BMAL2: variants seen among roughly 807,000 people sequenced by gnomAD.
BMAL2 encodes the protein basic helix-loop-helix ARNT-like protein 2.
chr12:27,401,407 GAC>G, the BMAL2 span: 1 of 1,565,324 alleles, frequency 6.4e-7, no homozygotes, highest in Admixed American at 1.7e-5. Context: ...AATTTAAAAT[GAC>G]AGTTTTAACT....
chr12:27,347,972 T>G, the BMAL2 span, among the ~76,000 whole-genome samples: 13 of 152,322 alleles, frequency 8.5e-5, no homozygotes, highest in African/African-American at 2.6e-4. Context: ...CTGACAGACA[T>G]GTCATAATCA....
At chr12:27,385,705 T>C in the BMAL2 span, 1 of 576,530 alleles carries the variant, frequency 1.7e-6, no homozygotes, top group Non-Finnish European at 3.0e-6. Flanking sequence ...AAGTTTAAAA[T>C]AGAGAAGTAG....
At chr12:27,378,541 G>T in the BMAL2 span, among the ~76,000 whole-genome samples, 1 of 152,204 alleles carries the variant, frequency 6.6e-6, no homozygotes, top group Non-Finnish European at 1.5e-5. Context: ...TTCAGGCGTT[G>T]CTGCTGTGGA....
the BMAL2 span, among the ~76,000 whole-genome samples, chr12:27,340,479 C>T: frequency 1.7e-3 from 253 of 152,188 alleles, 2 homozygotes; most frequent in African/African-American, 6.0e-3. Flanking sequence ...TGTTTTTGTA[C>T]CCCTCCCATG....
the BMAL2 span, among the ~76,000 whole-genome samples, chr12:27,333,541 G>A: frequency 6.6e-6 from 1 of 152,272 alleles, no homozygotes; most frequent in East Asian, 1.9e-4. Flanking sequence ...TAAACCAGTT[G>A]TCAGCAGCCT....
the BMAL2 span, among the ~76,000 whole-genome samples, chr12:27,355,316 A>G: frequency 6.6e-6 from 1 of 152,174 alleles, no homozygotes; most frequent in Non-Finnish European, 1.5e-5. Flanking sequence ...CGCTGCAAAC[A>G]GTGCTCCATA....
the BMAL2 span, among the ~76,000 whole-genome samples, chr12:27,377,000 CAAAAAAAAAAAAA>C: frequency 1.2e-3 from 109 of 91,740 alleles, no homozygotes; most frequent in Non-Finnish European, 1.7e-3. Context: ...AACTCCGTCT[CAAAAAAAAAAAAA>C]AAAAAAAAAA....
the BMAL2 span, among the ~76,000 whole-genome samples, chr12:27,398,260 G>T: frequency 6.6e-6 from 1 of 152,204 alleles, no homozygotes; most frequent in South Asian, 2.1e-4. Flanking sequence ...AAAGGATTTT[G>T]AAAGGATGTC....
At chr12:27,415,731 T>A in the BMAL2 span, 1 of 648,250 alleles carries the variant, frequency 1.5e-6, no homozygotes, top group East Asian at 2.9e-5. Flanking sequence ...TAAGTCAGTC[T>A]AATTGTGAAA....
the BMAL2 span, among the ~76,000 whole-genome samples, chr12:27,348,471 A>T: frequency 2.0e-5 from 3 of 151,536 alleles, no homozygotes; most frequent in African/African-American, 7.3e-5. Context: ...GGTAACATTT[A>T]TTTTTTTTTA....
the BMAL2 span, among the ~76,000 whole-genome samples, chr12:27,340,015 A>AG: frequency 4.0e-4 from 61 of 152,210 alleles, no homozygotes; most frequent in East Asian, 3.3e-3. Context: ...CAGATGCATA[A>AG]TTTGCAAAAA....
chr12:27,394,885 G>GTTCC, the BMAL2 span, among the ~76,000 whole-genome samples: 1 of 152,346 alleles, frequency 6.6e-6, no homozygotes, highest in East Asian at 1.9e-4. Flanking sequence ...AGCAAGGGAA[G>GTTCC]GCCATGTGAG....
At chr12:27,365,381 T>C in the BMAL2 span, among the ~76,000 whole-genome samples, 1 of 152,212 alleles carries the variant, frequency 6.6e-6, no homozygotes, top group African/African-American at 2.4e-5. Context: ...TTTGATAATG[T>C]TTTGTTAAGA....
At chr12:27,349,802 A>C in the BMAL2 span, among the ~76,000 whole-genome samples, 1 of 152,208 alleles carries the variant, frequency 6.6e-6, no homozygotes, top group Admixed American at 6.5e-5. Context: ...AGATGAGGAA[A>C]TGACCACAGA....
At chr12:27,408,360 C>T in the BMAL2 span, among the ~76,000 whole-genome samples, 5 of 152,150 alleles carry the variant, frequency 3.3e-5, no homozygotes, top group African/African-American at 9.7e-5. Flanking sequence ...TACTGGCAAA[C>T]CAAATCCAGC....
chr12:27,340,266 T>G, the BMAL2 span, among the ~76,000 whole-genome samples: 2 of 152,344 alleles, frequency 1.3e-5, no homozygotes, highest in Admixed American at 6.5e-5. Flanking sequence ...CCATCTTGAG[T>G]TGGCTTTTGT....
the BMAL2 span, among the ~76,000 whole-genome samples, chr12:27,344,324 T>C: frequency 6.6e-6 from 1 of 152,244 alleles, no homozygotes; most frequent in African/African-American, 2.4e-5. Flanking sequence ...AATACTGGCC[T>C]ACTTTGACTT....
the BMAL2 span, among the ~76,000 whole-genome samples, chr12:27,355,520 C>T: frequency 6.6e-6 from 1 of 152,202 alleles, no homozygotes; most frequent in African/African-American, 2.4e-5. Context: ...TCTTGCTTTC[C>T]TGCCCAGCCT....
At chr12:27,383,933 GCCACCA>G in the BMAL2 span, among the ~76,000 whole-genome samples, 1 of 151,992 alleles carries the variant, frequency 6.6e-6, no homozygotes, top group South Asian at 2.1e-4. Context: ...CACTTACTTT[GCCACCA>G]CCACCACCAC....
Sources: allele counts gnomAD v4.1 joint callset (sites outside exome capture counted in the v4.1 genomes callset), GRCh38; gene constraint gnomAD v4.1.1; transcripts MANE v1.5; gene names NCBI Gene and HGNC (gene_info 2026-07-23, HGNC 2026-07-21).